The following TMEM108 variants were observed in gnomAD, a reference collection of about 807,000 sequenced individuals.
The protein encoded by TMEM108 is cancer/testis antigen 124.
In TMEM108, 12 loss-of-function variants were observed where a neutral mutation model predicts 35.1. The ratio of observed to expected loss-of-function variants is 0.34; its 90% CI spans 0.22 to 0.55. The LOEUF is 0.55. TMEM108 is among the 20% of genes least tolerant of loss of function. The pLI, the probability that TMEM108 is intolerant of heterozygous loss-of-function variation, is 0.89. For synonymous variants in TMEM108, 287 were observed against 308.6 expected (o/e 0.93, Z 0.73); for missense variants, 680 against 753.3 (o/e 0.90, Z 1.14).
chr3:133,325,137 G>T (rs11926108), intron 3 of TMEM108, among the ~76,000 whole-genome samples: 1 of 151,910 alleles, frequency 6.6e-6, no homozygotes, highest in African/African-American at 2.4e-5. Context: ...ACACCATGGA[G>T]AGCTACTCAG....
intron 3 of TMEM108, among the ~76,000 whole-genome samples, chr3:133,348,652 A>G (rs2071893636): frequency 6.6e-6 from 1 of 152,080 alleles, no homozygotes; most frequent in Admixed American, 6.5e-5. Context: ...TGAATGTGGG[A>G]TTTACCCTGG....
At chr3:133,348,211 G>A (rs1401401121) in intron 3 of TMEM108, among the ~76,000 whole-genome samples, 1 of 151,890 alleles carries the variant, frequency 6.6e-6, no homozygotes, top group Non-Finnish European at 1.5e-5. Flanking sequence ...AACAGATTAG[G>A]GTAACTAGAT....
intron 2 of TMEM108, among the ~76,000 whole-genome samples, chr3:133,158,989 A>G (rs1460355599): frequency 6.6e-6 from 1 of 152,208 alleles, no homozygotes; most frequent in African/African-American, 2.4e-5. Context: ...ATTCAGGGAA[A>G]ATGTCACAAG....
intron 2 of TMEM108, among the ~76,000 whole-genome samples, chr3:133,179,224 C>T (rs981389863): frequency 2.6e-5 from 4 of 152,062 alleles, no homozygotes; most frequent in Admixed American, 6.6e-5. Flanking sequence ...TAAACTAGTT[C>T]AACCATTGTG....
chr3:133,235,050 G>A (rs1472791962), intron 3 of TMEM108, among the ~76,000 whole-genome samples: 1 of 152,030 alleles, frequency 6.6e-6, no homozygotes, highest in Non-Finnish European at 1.5e-5. Flanking sequence ...TACAAGGGAT[G>A]TGAAGGACCT....
chr3:133,129,257 C>T (rs752884966), intron 2 of TMEM108, among the ~76,000 whole-genome samples: 5 of 151,764 alleles, frequency 3.3e-5, no homozygotes, highest in Non-Finnish European at 5.9e-5. Context: ...GCACAAGAAT[C>T]GCTTCAATCT....
chr3:133,183,135 A>G lies in TMEM108; in HGVS notation c.-46-46131A>G, dbSNP rs555953073. Among the ~76,000 whole-genome samples, 3 of 152,308 alleles carry G rather than the reference A, an allele frequency of 2.0e-5. No homozygotes were observed. The East Asian group carries it at 5.8e-4, about 29-fold the overall frequency. On this transcript the variant is annotated intron_variant, in intron 2 of 5. Transcript: ENST00000321871. ...ATCTTTGAGTGTCACGTTGACATTCAAAAAATTGCAGGTTTTAGAGCATTT... is the reference window on the plus strand; with the variant it reads ...ATCTTTGAGTGTCACGTTGACATTCGAAAAATTGCAGGTTTTAGAGCATTT...
chr3:133,345,256 A>G lies in TMEM108; in HGVS notation c.41-34496A>G, dbSNP rs1180277857. On this transcript the variant is annotated intron_variant, in intron 3 of 5. Coordinates refer to ENST00000321871, the MANE Select transcript of TMEM108 (RefSeq NM_023943.4). The stretch of plus-strand genomic sequence containing the variant: ...GTTTATTCTAAGAATGCAAAGATGG[A>G]TTGCTATTAATCCATAGATTGCCAT... Among the ~76,000 whole-genome samples, 4 of 152,042 alleles carry G rather than the reference A, an allele frequency of 2.6e-5. No homozygotes were observed. The East Asian group carries it at 7.7e-4, about 29-fold the overall frequency.
chr3:133,278,707 A>T (rs760889095), intron 3 of TMEM108, among the ~76,000 whole-genome samples: 38 of 152,260 alleles, frequency 2.5e-4, no homozygotes, highest in Non-Finnish European at 5.1e-4. Context: ...TACCACCATC[A>T]TATATCAGTC....
rs922434805 is a variant in TMEM108 at position 133,351,700 on chromosome 3, T to C, written c.41-28052T>C. 9.2e-5 allele frequency among the ~76,000 whole-genome samples: 14 copies of C among 152,310 alleles called. No individual in the cohort carries two copies. The East Asian group carries it at 1.2e-3, about 13-fold the overall frequency. ...TATCACAGAAGTCTTCATAAGCCTC[T>C]ATTTCATGGATGAGGAAAGTGAGGC... On this transcript the variant is annotated intron_variant, in intron 3 of 5. Coordinates refer to ENST00000321871, the MANE Select transcript of TMEM108 (RefSeq NM_023943.4).
intron 3 of TMEM108, among the ~76,000 whole-genome samples, chr3:133,345,572 G>A (rs2071791730): frequency 2.0e-5 from 3 of 151,590 alleles, no homozygotes; most frequent in African/African-American, 7.3e-5. Context: ...AAAAATAAGA[G>A]TTACAAACTT....
chr3:133,183,255 C>T (rs1417089778), intron 2 of TMEM108, among the ~76,000 whole-genome samples: 2 of 152,148 alleles, frequency 1.3e-5, no homozygotes, highest in East Asian at 1.9e-4. Flanking sequence ...TAAATGAAAA[C>T]AATAAATGTG....
At chr3:133,054,423 A>C (rs1943441352) in intron 2 of TMEM108, among the ~76,000 whole-genome samples, 1 of 152,250 alleles carries the variant, frequency 6.6e-6, no homozygotes, top group Non-Finnish European at 1.5e-5. Flanking sequence ...TTGCACAGGA[A>C]TAATGGCTAG....
In TMEM108 at chr3:133,118,259, A is replaced by G. The variant is rs186672053; in HGVS notation, c.-47+72239A>G. The stretch of plus-strand genomic sequence containing the variant: ...CCCATCCAGGTGTGGAAACTACTCA[A>G]TGGTAATAGTCTTAAAATCATCTTA... On this transcript the variant is annotated intron_variant, in intron 2 of 5. Coordinates refer to ENST00000321871, the MANE Select transcript of TMEM108 (RefSeq NM_023943.4). Among the ~76,000 whole-genome samples, 10 of 152,272 alleles carry G rather than the reference A, an allele frequency of 6.6e-5. No individual in the cohort carries two copies. The East Asian group carries it at 7.7e-4, about 12-fold the overall frequency.
chr3:133,076,072 G>A (rs1402450), intron 2 of TMEM108, among the ~76,000 whole-genome samples: 29,865 of 152,082 alleles, frequency 0.2, 4,789 homozygotes, highest in African/African-American at 0.45. Context: ...GGGGACCCTC[G>A]AGATTTGGGT....
chr3:133,291,557 C>G (rs764564152), intron 3 of TMEM108, among the ~76,000 whole-genome samples: 2 of 151,724 alleles, frequency 1.3e-5, no homozygotes, highest in African/African-American at 4.8e-5. Flanking sequence ...GGATTACAGG[C>G]GTGAGCCAGC....
At chr3:133,148,211 A>C (rs767393594) in intron 2 of TMEM108, among the ~76,000 whole-genome samples, 1 of 152,172 alleles carries the variant, frequency 6.6e-6, no homozygotes, top group African/African-American at 2.4e-5. Flanking sequence ...TGATTCTAAG[A>C]CTGGGAGAGG....
chr3:133,328,693 C>CA (rs1430458148), intron 3 of TMEM108, among the ~76,000 whole-genome samples: 1 of 152,210 alleles, frequency 6.6e-6, no homozygotes, highest in Non-Finnish European at 1.5e-5. Flanking sequence ...CTCATGCTGT[C>CA]AGACTGTCAT....
intron 2 of TMEM108, among the ~76,000 whole-genome samples, chr3:133,123,602 C>A (rs1459536573): frequency 6.6e-6 from 1 of 152,226 alleles, no homozygotes; most frequent in Non-Finnish European, 1.5e-5. Flanking sequence ...CAAATGCTTA[C>A]TGAGCACTCA....
Sources: allele counts gnomAD v4.1 joint callset (sites outside exome capture counted in the v4.1 genomes callset), GRCh38; gene constraint gnomAD v4.1.1; transcripts MANE v1.5; gene names NCBI Gene and HGNC (gene_info 2026-07-23, HGNC 2026-07-21).